CAV3: variants seen among roughly 807,000 people sequenced by gnomAD.
CAV3 encodes caveolin 3.
In CAV3, 10 loss-of-function variants were observed where a neutral mutation model predicts 13.4. The observed-to-expected ratio is 0.75, with a 90% CI of 0.46 to 1.27. The LOEUF (loss-of-function observed/expected upper bound fraction) is 1.27, where lower values mean the gene tolerates loss of function less well. Ranked by LOEUF, CAV3 falls within the 50% of genes most tolerant of loss-of-function variation. The pLI is 0.00. For synonymous variants in CAV3, 90 were observed against 79.0 expected (o/e 1.14, Z -0.74); for missense variants, 162 against 194.0 (o/e 0.83, Z 0.98).
At position 8,745,244 on chromosome 3, in the gene CAV3, G is replaced by T. The variant is rs1162450667; in HGVS notation, c.115-282G>T. ...GCCTGCTCTCCCTTCTCTAGCCATG[G>T]TTGAAAGCTCCCTGCGGCCTCACCT... On this transcript the variant is annotated intron_variant, in intron 1 of 1. Coordinates refer to ENST00000343849, the MANE Select transcript of CAV3 (RefSeq NM_033337.3). The surrounding 1 kb of genome is among the most constrained non-coding windows in gnomAD (Gnocchi z 4.8). Among the ~76,000 whole-genome samples the T allele has an allele frequency of 2.0e-5, 3 of 152,122 alleles. No homozygotes were observed. Among genetic ancestry groups the T allele is most frequent in the African/African-American group, 7.2e-5 (3 of 41,418 alleles).
chr3:8,734,107 T>G, intron 1 of CAV3, 117 bp downstream of exon 1: 1 of 704,558 alleles, frequency 1.4e-6, no homozygotes, highest in Non-Finnish European at 2.6e-6. Context: ...GACTTGTTGC[T>G]CTGTTGTCTC....
At chr3:8,743,562 G>C (rs186011874) in intron 1 of CAV3, among the ~76,000 whole-genome samples, 8 of 152,290 alleles carry the variant, frequency 5.3e-5, no homozygotes, top group Admixed American at 5.2e-4. Flanking sequence ...GATTATACAA[G>C]GAAGGTCCTG....
chr3:8,735,621 T>C (rs1707727276), intron 1 of CAV3, among the ~76,000 whole-genome samples: 1 of 152,232 alleles, frequency 6.6e-6, no homozygotes, highest in African/African-American at 2.4e-5. Flanking sequence ...CAGGCCTGTA[T>C]TGCGGTCTTT....
intron 1 of CAV3, chr3:8,742,642 A>C (rs1708013110): frequency 4.8e-6 from 2 of 418,612 alleles, no homozygotes; most frequent in Non-Finnish European, 9.6e-6. Flanking sequence ...TATTACCATC[A>C]CAATAGCCAG....
chr3:8,734,374 C>G (rs534193847), intron 1 of CAV3, among the ~76,000 whole-genome samples: 1 of 152,182 alleles, frequency 6.6e-6, no homozygotes, highest in South Asian at 2.1e-4. Flanking sequence ...GGCATTTCTG[C>G]GGTCTCTCCA....
chr3:8,744,520 C>CT (rs1167188963), intron 1 of CAV3, among the ~76,000 whole-genome samples: 7 of 149,246 alleles, frequency 4.7e-5, no homozygotes, highest in African/African-American at 1.7e-4. Context: ...ATTTTACAGC[C>CT]TCCCATCCTT....
chr3:8,735,804 G>C (rs1297835584), intron 1 of CAV3, among the ~76,000 whole-genome samples: 2 of 152,122 alleles, frequency 1.3e-5, no homozygotes, highest in East Asian at 3.8e-4. Context: ...TCTTCTCCAG[G>C]TGGTGAATGC....
At position 8,746,097 on chromosome 3, in the gene CAV3, C is replaced by A; in HGVS notation, c.*230C>A. 2.0e-6 allele frequency: 1 copy of A among 509,968 alleles called. No individual in the cohort carries two copies. The highest frequency in any genetic ancestry group is 3.1e-5 in the East Asian group (1 of 32,476). 31.6% of individuals were successfully genotyped at this position (509,968 alleles called of 1,614,324 possible). A position where few individuals can be genotyped will look rare whatever the true frequency, so the allele number is the denominator to read the frequency against. On this transcript the variant is annotated 3_prime_UTR_variant, in exon 2 of 2. Transcript: ENST00000343849. ...CCACCATGATGCCCCCATGCCTGGG[C>A]GTGGGGGAAGATCATTTGCCAAGAG...
chr3:8,743,961 G>A (rs182483086), intron 1 of CAV3, among the ~76,000 whole-genome samples: 2 of 152,100 alleles, frequency 1.3e-5, no homozygotes, highest in African/African-American at 4.8e-5. Context: ...TGATGCAATA[G>A]AGGAGAGGAT....
chr3:8,738,502 A>G (rs1043985558), intron 1 of CAV3, among the ~76,000 whole-genome samples: 1 of 152,210 alleles, frequency 6.6e-6, no homozygotes, highest in Non-Finnish European at 1.5e-5. Context: ...GAACAATGAG[A>G]ACATACAGGA....
intron 1 of CAV3, among the ~76,000 whole-genome samples, chr3:8,742,769 T>C (rs531312500): frequency 5.3e-5 from 8 of 152,240 alleles, no homozygotes; most frequent in South Asian, 2.1e-4. Flanking sequence ...GATGGATGGA[T>C]AGATGGATGA....
intron 1 of CAV3, among the ~76,000 whole-genome samples, chr3:8,741,633 C>G (rs931226752): frequency 6.6e-6 from 1 of 152,178 alleles, no homozygotes; most frequent in African/African-American, 2.4e-5. Context: ...CCAGTGGATA[C>G]TGGGACCATA....
At chr3:8,737,444 T>C (rs958435651) in intron 1 of CAV3, among the ~76,000 whole-genome samples, 1 of 152,098 alleles carries the variant, frequency 6.6e-6, no homozygotes, top group Admixed American at 6.5e-5. Flanking sequence ...ACTACATCCA[T>C]GGATTTGACC....
At position 8,745,873 on chromosome 3, in the gene CAV3, G is replaced by A. The variant is rs769655378; in HGVS notation, c.*6G>A. 3.1e-6 allele frequency: 5 copies of A among 1,608,034 alleles called. No homozygotes were observed. The highest frequency in any genetic ancestry group is 4.2e-6 in the Non-Finnish European group (5 of 1,177,094). ...TGCTGCGGAAGGAGGTCTAAAGCCA[G>A]GTGGGGCAACAGCGGTGGCAGGGCA... is the stretch of plus-strand genomic sequence containing the variant. On this transcript the variant is annotated 3_prime_UTR_variant, in exon 2 of 2. Transcript: ENST00000343849. This position sits in a 1 kb window ranked among gnomAD's most constrained non-coding sequence, Gnocchi z 4.8.
rs773309037 is a variant in CAV3, at chr3:8,745,811, G to C, written c.400G>C (p.Ala134Pro). Residue 134 changes from alanine (A) to proline (P), a missense_variant, in exon 2 of 2, where the codon GCG becomes CCG. Physicochemically the swap from Ala to Pro is conservative, Grantham distance 27. Transcript: ENST00000343849. The surrounding 1 kb of genome is among the most constrained non-coding windows in gnomAD (Gnocchi z 4.8). ...CIRTFCNPLF[A>P]ALGQVCSSIK... Reference sequence around the variant, plus strand: ...CCGCACCTTCTGCAACCCACTCTTCGCGGCCCTGGGCCAGGTCTGCAGCAG... The same window carrying C: ...CCGCACCTTCTGCAACCCACTCTTCCCGGCCCTGGGCCAGGTCTGCAGCAG... 5.6e-6 allele frequency: 9 copies of C among 1,613,666 alleles called. No individual in the cohort carries two copies. The East Asian group carries it at 2.0e-4, about 36-fold the overall frequency.
chr3:8,734,531 A>C (rs1707683678), intron 1 of CAV3, among the ~76,000 whole-genome samples: 1 of 151,566 alleles, frequency 6.6e-6, no homozygotes, highest in Non-Finnish European at 1.5e-5. Context: ...CCCTCACCCC[A>C]GGTCTAGTGG....
intron 1 of CAV3, among the ~76,000 whole-genome samples, chr3:8,739,753 T>C (rs1369621086): frequency 6.6e-6 from 1 of 152,214 alleles, no homozygotes; most frequent in Non-Finnish European, 1.5e-5. Flanking sequence ...GTATCAGTTA[T>C]CAATTGTGAG....
In CAV3 at chr3:8,734,788, G is replaced by A. The variant is rs113420739; in HGVS notation, c.114+798G>A. ...GGCTGGAGTGCAGTCGCACACTCACGCCTCACTGCAGCCTCAACCTCCCAG... is the reference window on the plus strand; with the variant it reads ...GGCTGGAGTGCAGTCGCACACTCACACCTCACTGCAGCCTCAACCTCCCAG... On this transcript the variant is annotated intron_variant, in intron 1 of 1. Coordinates refer to ENST00000343849, the MANE Select transcript of CAV3 (RefSeq NM_033337.3). 3.3e-5 allele frequency among the ~76,000 whole-genome samples: 5 copies of A among 152,276 alleles called. 1 individual carries two copies. The highest frequency in any genetic ancestry group is 1.9e-4 in the East Asian group (1 of 5,182).
chr3:8,737,208 C>T (rs1707786659), intron 1 of CAV3, among the ~76,000 whole-genome samples: 1 of 152,112 alleles, frequency 6.6e-6, no homozygotes, highest in Non-Finnish European at 1.5e-5. Flanking sequence ...GGCAGGGTGG[C>T]CTCACAGGTG....
Sources: allele counts gnomAD v4.1 joint callset (sites outside exome capture counted in the v4.1 genomes callset), GRCh38; gene constraint gnomAD v4.1.1; non-coding constraint Gnocchi (gnomAD v3.1); transcripts MANE v1.5; gene names NCBI Gene and HGNC (gene_info 2026-07-23, HGNC 2026-07-21).